The following PHKB variants were observed in gnomAD, a reference collection of about 807,000 sequenced individuals.
PHKB encodes the protein phosphorylase b kinase regulatory subunit beta.
Under a neutral mutation model 152.1 loss-of-function variants are expected in PHKB, and 122 were observed. The observed-to-expected ratio is 0.80, with a 90% CI of 0.69 to 0.93. The LOEUF (loss-of-function observed/expected upper bound fraction) is 0.93. PHKB is among the 40% of genes least tolerant of loss of function. The pLI, the probability that PHKB is intolerant of heterozygous loss-of-function variation, is 0.00. For synonymous variants in PHKB, 436 were observed against 464.9 expected, an observed-to-expected ratio of 0.94 and a Z score of 0.80; for missense variants, 1,304 against 1,328.4, an observed-to-expected ratio of 0.98 and a Z score of 0.29.
intron 1 of PHKB, among the ~76,000 whole-genome samples, chr16:47,474,868 G>C (rs953354774): frequency 1.3e-5 from 2 of 152,112 alleles, no homozygotes; most frequent in African/African-American, 4.8e-5. Flanking sequence ...GGGATTACAG[G>C]CATGCGCCAC....
intron 1 of PHKB, among the ~76,000 whole-genome samples, chr16:47,473,316 C>A (rs1969812971): frequency 6.9e-6 from 1 of 145,062 alleles, no homozygotes; most frequent in Non-Finnish European, 1.5e-5. Flanking sequence ...CTCAAGCACT[C>A]CTCCCAACTC....
At chr16:47,503,384 T>A (rs1423573721) in intron 4 of PHKB, among the ~76,000 whole-genome samples, 5 of 152,204 alleles carry the variant, frequency 3.3e-5, no homozygotes, top group Admixed American at 3.3e-4. Flanking sequence ...AACCTCACAA[T>A]ATCGATAATT....
chr16:47,574,065 A>G (rs906717293), intron 7 of PHKB, among the ~76,000 whole-genome samples: 4 of 152,126 alleles, frequency 2.6e-5, no homozygotes, highest in Non-Finnish European at 5.9e-5. Context: ...GATTACAGGC[A>G]TGCACCGCCA....
intron 14 of PHKB, among the ~76,000 whole-genome samples, chr16:47,635,666 G>A (rs1042684697): frequency 1.3e-5 from 2 of 152,172 alleles, no homozygotes; most frequent in Non-Finnish European, 2.9e-5. Flanking sequence ...AGGACTTGTA[G>A]GTAGATCTTT....
intron 1 of PHKB, among the ~76,000 whole-genome samples, chr16:47,474,937 T>A (rs1019027067): frequency 7.2e-5 from 11 of 152,130 alleles, no homozygotes; most frequent in Non-Finnish European, 1.6e-4. Context: ...TTGGCCAGGC[T>A]GGTCTCGAAC....
chr16:47,609,186 T>A (rs1972380826), intron 13 of PHKB, among the ~76,000 whole-genome samples: 1 of 152,174 alleles, frequency 6.6e-6, no homozygotes, highest in African/African-American at 2.4e-5. Context: ...TTTATTTTGT[T>A]GATATGGTCT....
chr16:47,479,826 G>A (rs1204239911), intron 1 of PHKB, among the ~76,000 whole-genome samples: 1 of 152,112 alleles, frequency 6.6e-6, no homozygotes, highest in Non-Finnish European at 1.5e-5. Context: ...CAGTTCCTGG[G>A]TGTGATCCAT....
At chr16:47,471,991 T>G (rs1597010776) in intron 1 of PHKB, among the ~76,000 whole-genome samples, 1 of 151,792 alleles carries the variant, frequency 6.6e-6, no homozygotes, top group Non-Finnish European at 1.5e-5. Flanking sequence ...GGGAGGCGGG[T>G]CTTGCATTGA....
chr16:47,515,652 TA>T, intron 6 of PHKB, 51 bp downstream of exon 6: 1 of 808,012 alleles, frequency 1.2e-6, no homozygotes, highest in African/African-American at 1.7e-5. Context: ...TGAAAATATC[TA>T]TTTTTTTTTT....
chr16:47,544,003 C>T (rs1230268319), intron 6 of PHKB, among the ~76,000 whole-genome samples: 3 of 151,898 alleles, frequency 2.0e-5, no homozygotes, highest in East Asian at 1.9e-4. Context: ...TCTTGCTAGT[C>T]GTCTATCAAT....
At chr16:47,608,213 C>T (rs113955483) in intron 13 of PHKB, among the ~76,000 whole-genome samples, 62 of 152,204 alleles carry the variant, frequency 4.1e-4, no homozygotes, top group African/African-American at 1.4e-3. Flanking sequence ...TATCTCTTTA[C>T]TTCTTTTATC....
chr16:47,582,119 T>A (rs1452807041), intron 8 of PHKB, among the ~76,000 whole-genome samples: 1 of 152,246 alleles, frequency 6.6e-6, no homozygotes, highest in Non-Finnish European at 1.5e-5. Flanking sequence ...AACAGCAGTC[T>A]GGAAAGGTAC....
chr16:47,605,626 C>A (rs1287450102), intron 13 of PHKB, among the ~76,000 whole-genome samples: 1 of 152,006 alleles, frequency 6.6e-6, no homozygotes, highest in Non-Finnish European at 1.5e-5. Flanking sequence ...TACTAATCAA[C>A]CCTGTATCAT....
chr16:47,667,956 A>G (rs939638279), intron 25 of PHKB, among the ~76,000 whole-genome samples: 2 of 152,196 alleles, frequency 1.3e-5, no homozygotes, highest in African/African-American at 4.8e-5. Context: ...CTCCCAGGGT[A>G]ACAGTCACTT....
intron 6 of PHKB, among the ~76,000 whole-genome samples, chr16:47,539,808 T>C (rs921089364): frequency 6.6e-6 from 1 of 152,228 alleles, no homozygotes; most frequent in Non-Finnish European, 1.5e-5. Context: ...CTCTTAATCC[T>C]GTTGTCTTTG....
intron 13 of PHKB, among the ~76,000 whole-genome samples, chr16:47,604,829 A>C (rs1007925323): frequency 6.6e-6 from 1 of 152,224 alleles, no homozygotes. Context: ...TTAAAGACAG[A>C]TATCTCCATT....
intron 6 of PHKB, among the ~76,000 whole-genome samples, chr16:47,545,157 G>T (rs1971136951): frequency 6.6e-6 from 1 of 152,094 alleles, no homozygotes; most frequent in East Asian, 1.9e-4. Flanking sequence ...TGGTTATTTT[G>T]CCTGTTAATT....
intron 24 of PHKB, chr16:47,664,655 A>G: frequency 3.7e-6 from 2 of 545,048 alleles, no homozygotes; most frequent in Non-Finnish European, 6.6e-6. Flanking sequence ...ACATCAAGCC[A>G]ATAAGTGATA....
intron 13 of PHKB, among the ~76,000 whole-genome samples, chr16:47,601,126 A>C (rs955208662): frequency 2.0e-5 from 3 of 152,182 alleles, no homozygotes; most frequent in Non-Finnish European, 2.9e-5. Context: ...CTGAGGCCAG[A>C]GGATCACCTG....
Sources: gnomAD v4.1 joint callset for allele counts (sites outside exome capture counted in the v4.1 genomes callset) on GRCh38, gnomAD v4.1.1 for gene constraint, MANE v1.5 for transcripts, NCBI Gene and HGNC (gene_info 2026-07-23, HGNC 2026-07-21) for gene names.